The following SLC12A3 variants were observed in gnomAD, a reference collection of about 807,000 sequenced individuals.
The protein encoded by SLC12A3 is Na-Cl cotransporter.
SLC12A3 carries 104 observed loss-of-function variants against 121.0 expected under a neutral mutation model. The ratio of observed to expected loss-of-function variants is 0.86; its 90% CI spans 0.73 to 1.01. The LOEUF is 1.01. Among genes scored for constraint, SLC12A3 ranks in the 50% least tolerant of loss-of-function variants. The probability of loss-of-function intolerance (pLI) is 0.00; values close to 1 mark genes in which losing one functional copy is unlikely to be tolerated. For missense variants in SLC12A3, 1,328 were observed against 1,356.3 expected (o/e 0.98, Z 0.33); for synonymous variants, 536 against 533.4 (o/e 1.00, Z -0.07).
intron 8 of SLC12A3, among the ~76,000 whole-genome samples, chr16:56,875,956 T>G (rs549867351): frequency 6.6e-6 from 1 of 151,876 alleles, no homozygotes; most frequent in South Asian, 2.1e-4. Context: ...GCTGGTGTAT[T>G]TGTGTTTTCA....
intron 18 of SLC12A3, 79 bp from the exon 19 acceptor site, chr16:56,890,195 T>C (rs2055369380): frequency 4.8e-6 from 5 of 1,036,964 alleles, no homozygotes; most frequent in African/African-American, 1.6e-5. Flanking sequence ...CAACTCTAGA[T>C]ATCTGGTCTC....
In SLC12A3 at chr16:56,870,252, G is replaced by A; in HGVS notation, c.741+17G>A. 6.2e-7 allele frequency: 1 copy of A among 1,610,896 alleles called. No homozygotes were observed. Among genetic ancestry groups the A allele is most frequent in the Non-Finnish European group, 8.5e-7 (1 of 1,179,664 alleles). On this transcript the variant is annotated intron_variant, in intron 5 of 25. Transcript: ENST00000563236. ...CTGCTCCAGGTGAGGCCGGGGGGCT[G>A]GACCCTGGGTAGAGGGATCCGGGCA...
intron 13 of SLC12A3, among the ~76,000 whole-genome samples, chr16:56,883,572 G>A (rs1406340978): frequency 6.6e-6 from 1 of 152,136 alleles, no homozygotes; most frequent in Non-Finnish European, 1.5e-5. Flanking sequence ...GCCTGGCTGA[G>A]GAAGACTTTT....
chr16:56,885,746 C>T (rs2055302615), intron 15 of SLC12A3, among the ~76,000 whole-genome samples: 1 of 152,186 alleles, frequency 6.6e-6, no homozygotes, highest in African/African-American at 2.4e-5. Flanking sequence ...CATCCTCTTC[C>T]CACCAGATCC....
chr16:56,870,682 C>G lies in SLC12A3; in HGVS notation c.798C>G (p.Val266=). The G allele has an allele frequency of 6.8e-6, 11 of 1,613,924 alleles. No homozygotes were observed. Among genetic ancestry groups the G allele is most frequent in the Non-Finnish European group, 9.3e-6 (11 of 1,179,916 alleles). ...ACGACATCCGCATCATTGCCGTGGTCTCGGTCACTGTGCTGCTGGCCATCT... is the reference window on the plus strand; with the variant it reads ...ACGACATCCGCATCATTGCCGTGGTGTCGGTCACTGTGCTGCTGGCCATCT... ...PINDIRIIAV[V]SVTVLLAISL... The change falls in exon 6 of 26, where the codon GTC becomes GTG. Residue 266 remains valine (V), a synonymous_variant. Coordinates refer to ENST00000563236, the MANE Select transcript of SLC12A3 (RefSeq NM_001126108.2).
rs2055250760 is a variant in SLC12A3, at chr16:56,882,272, AGG to A, written c.1568-123_1568-122del. ...AGGTGGACCCATTTCACAGATGAGAAGGTTGAGACTGACTGAGCCTTGGTGGC... is the reference window on the plus strand; with the variant it reads ...AGGTGGACCCATTTCACAGATGAGAATTGAGACTGACTGAGCCTTGGTGGC... On this transcript the variant is annotated intron_variant, in intron 12 of 25. Coordinates refer to ENST00000563236, the MANE Select transcript of SLC12A3 (RefSeq NM_001126108.2). 4 of 777,404 alleles carry A rather than the reference AGG, an allele frequency of 5.1e-6. No individual in the cohort carries two copies. The East Asian group carries it at 1.0e-4, about 19-fold the overall frequency. 48.2% of individuals were successfully genotyped at this position (777,404 alleles called of 1,614,324 possible). A position where few individuals can be genotyped will look rare whatever the true frequency, so the allele number is the denominator to read the frequency against.
Position 56,865,352 on chromosome 16 carries a change from C to G in SLC12A3, c.117C>G (p.Ser39Arg), listed in dbSNP as rs749664877. 5 of 1,614,162 alleles carry G rather than the reference C, an allele frequency of 3.1e-6. No individual in the cohort carries two copies. In the Admixed American group the frequency reaches 8.3e-5, roughly 27 times the overall value. The stretch of plus-strand genomic sequence containing the variant: ...CCTCTCCACCAGCTGCCTATGACAG[C>G]AGCCACCCCAGCCACCTGACCCACA... ...DEPSPPAAYD[S>R]SHPSHLTHSS... The change falls in exon 1 of 26, where the codon AGC becomes AGG. Residue 39 changes from serine to arginine, a missense_variant. Physicochemically the swap from Ser to Arg is moderately radical, Grantham distance 110. Coordinates refer to ENST00000563236, the MANE Select transcript of SLC12A3 (RefSeq NM_001126108.2).
At chr16:56,878,915 T>C (rs1435624961) in intron 9 of SLC12A3, among the ~76,000 whole-genome samples, 158 bp from the exon 10 acceptor site, 1 of 152,236 alleles carries the variant, frequency 6.6e-6, no homozygotes, top group Non-Finnish European at 1.5e-5. Flanking sequence ...GTACTTATCA[T>C]GGCTCCGGGC....
chr16:56,911,427 C>T (rs1477925003), intron 25 of SLC12A3, among the ~76,000 whole-genome samples: 4 of 151,806 alleles, frequency 2.6e-5, no homozygotes, highest in Non-Finnish European at 5.9e-5. Context: ...CAGGCTCAAA[C>T]GATCCTCCCG....
intron 8 of SLC12A3, among the ~76,000 whole-genome samples, chr16:56,874,749 G>A (rs1254333435): frequency 6.6e-6 from 1 of 152,170 alleles, no homozygotes; most frequent in Non-Finnish European, 1.5e-5. Flanking sequence ...AGGTTGCAGT[G>A]AGCCAAGATG....
At chr16:56,880,284 G>A in intron 12 of SLC12A3, 31 bp downstream of exon 12, 1 of 1,559,884 alleles carries the variant, frequency 6.4e-7, no homozygotes, top group Middle Eastern at 1.7e-4. Context: ...ACAGGGCCTG[G>A]CCTCCTGTTC....
rs973231271 is a variant in SLC12A3 at position 56,904,151 on chromosome 16, T to C, written c.2857-244T>C. 6.5e-5 allele frequency: 31 copies of C among 473,990 alleles called. No homozygotes were observed. The East Asian group carries it at 1.4e-3, about 21-fold the overall frequency. The allele number at this position is 473,990 out of a possible 1,614,324, so 29.4% of individuals were successfully genotyped here. A position where few individuals can be genotyped will look rare whatever the true frequency, so the allele number is the denominator to read the frequency against. ...TCTCTTCCCTCTACCCTGCTGGTTA[T>C]GGTCATAAAGTCAGGCAAGGAAAAG... On this transcript the variant is annotated intron_variant, in intron 24 of 25. Transcript: ENST00000563236.
intron 25 of SLC12A3, chr16:56,906,678 A>G (rs2055612400): frequency 6.3e-6 from 3 of 476,370 alleles, no homozygotes; most frequent in African/African-American, 6.1e-5. Context: ...CAAAATATAC[A>G]AGACCACACT....
intron 8 of SLC12A3, among the ~76,000 whole-genome samples, chr16:56,873,703 A>ATT (rs1311077344): frequency 2.0e-5 from 2 of 99,052 alleles, no homozygotes; most frequent in African/African-American, 7.1e-5. Flanking sequence ...TATTTATTTT[A>ATT]TTTTATTTTT....
chr16:56,891,081 ATAT>A (rs1321990937), intron 19 of SLC12A3, among the ~76,000 whole-genome samples: 1 of 151,384 alleles, frequency 6.6e-6, no homozygotes, highest in African/African-American at 2.4e-5. Context: ...TGAATTAGAA[ATAT>A]TTAGAGAGGC....
At position 56,867,177 on chromosome 16, in the gene SLC12A3, C is replaced by T. The variant is rs1389415239; in HGVS notation, c.390C>T (p.Pro130=). 12 of 1,613,456 alleles carry T rather than the reference C, an allele frequency of 7.4e-6. No homozygotes were observed. Among genetic ancestry groups the T allele is most frequent in the East Asian group, 2.2e-5 (1 of 44,872 alleles). ...GEAGTSSEKN[P]EEPVRFGWVK... Reference sequence around the variant, plus strand: ...CAGGCACCAGCAGCGAGAAGAACCCCGAGGAGCCAGTGCGCTTCGGCTGGG... The same window carrying T: ...CAGGCACCAGCAGCGAGAAGAACCCTGAGGAGCCAGTGCGCTTCGGCTGGG... The change falls in exon 2 of 26, where the codon CCC becomes CCT. Residue 130 remains proline (P), a synonymous_variant. Coordinates refer to ENST00000563236, the MANE Select transcript of SLC12A3 (RefSeq NM_001126108.2).
chr16:56,887,238 G>A, intron 17 of SLC12A3, 145 bp downstream of exon 17: 1 of 947,346 alleles, frequency 1.1e-6, no homozygotes. Context: ...TGTTTTACTT[G>A]TCACCCAGGC....
chr16:56,900,237 T>C (rs1421696769), intron 23 of SLC12A3, among the ~76,000 whole-genome samples: 2 of 152,062 alleles, frequency 1.3e-5, no homozygotes, highest in East Asian at 1.9e-4. Flanking sequence ...GATGCATACA[T>C]TGGCTCCAAC....
At position 56,913,668 on chromosome 16, in the gene SLC12A3, T is replaced by C. The variant is rs1832460424; in HGVS notation, c.*263T>C. 2.9e-5 allele frequency: 15 copies of C among 510,050 alleles called. No individual in the cohort carries two copies. In the South Asian group the frequency reaches 3.2e-4, roughly 11 times the overall value. 31.6% of individuals were successfully genotyped at this position (510,050 alleles called of 1,614,324 possible). ...AAACTCTCTAAAGCATCCTATTCCT[T>C]TTAAAGGATTTCTTTTGATTTTGAT... is the stretch of plus-strand genomic sequence containing the variant. On this transcript the variant is annotated 3_prime_UTR_variant, in exon 26 of 26. Coordinates refer to ENST00000563236, the MANE Select transcript of SLC12A3 (RefSeq NM_001126108.2).
Sources: gnomAD v4.1 joint callset for allele counts (sites outside exome capture counted in the v4.1 genomes callset) on GRCh38, gnomAD v4.1.1 for gene constraint, MANE v1.5 for transcripts, NCBI Gene and HGNC (gene_info 2026-07-23, HGNC 2026-07-21) for gene names.